The following HAUS1 variants were observed in gnomAD, a reference collection of about 807,000 sequenced individuals.
HAUS1 encodes the protein HAUS augmin-like complex subunit 1.
HAUS1 carries 25 observed loss-of-function variants against 38.6 expected under a neutral mutation model. That is an observed-to-expected ratio of 0.65 (90% CI 0.47 to 0.91). The LOEUF (loss-of-function observed/expected upper bound fraction) is 0.91. Ranked by LOEUF, HAUS1 falls within the 40% of genes least tolerant of loss-of-function variation. HAUS1 has a pLI of 0.00. For synonymous variants in HAUS1, 109 were observed against 112.9 expected (o/e 0.97, Z 0.22); for missense variants, 325 against 328.4 (o/e 0.99, Z 0.08).
intron 2 of HAUS1, among the ~76,000 whole-genome samples, chr18:46,108,412 A>G (rs920912625): frequency 6.6e-6 from 1 of 150,704 alleles, no homozygotes; most frequent in Non-Finnish European, 1.5e-5. Flanking sequence ...GCTGCGATTT[A>G]TAGGTGTGAG....
chr18:46,118,954 G>A (rs143907664), intron 3 of HAUS1, among the ~76,000 whole-genome samples: 2,016 of 152,168 alleles, frequency 0.013, 48 homozygotes, highest in African/African-American at 0.045. Flanking sequence ...TACAACCTCC[G>A]CCTCCCGGGG....
intron 1 of HAUS1, among the ~76,000 whole-genome samples, chr18:46,104,654 G>A (rs774049238): frequency 2.1e-4 from 32 of 152,102 alleles, no homozygotes; most frequent in Non-Finnish European, 3.8e-4. Flanking sequence ...CCCCTTGTTT[G>A]GATCTGGCCC....
intron 2 of HAUS1, among the ~76,000 whole-genome samples, chr18:46,117,171 A>G (rs1381328711): frequency 2.0e-5 from 3 of 152,220 alleles, no homozygotes; most frequent in Non-Finnish European, 4.4e-5. Context: ...ATGACCAGCA[A>G]TTCCACTTAC....
intron 2 of HAUS1, among the ~76,000 whole-genome samples, chr18:46,108,837 C>T (rs1215333255): frequency 2.0e-5 from 3 of 151,898 alleles, no homozygotes; most frequent in Non-Finnish European, 2.9e-5. Flanking sequence ...TTTGGGAGGC[C>T]GAGGCGGGCG....
At chr18:46,106,612 A>G (rs11872985) in intron 2 of HAUS1, 51,386 of 152,162 alleles carry the variant, frequency 0.34, 9,438 homozygotes, top group Middle Eastern at 0.51. Flanking sequence ...CATTTGCCCT[A>G]TATTTAATCA....
At chr18:46,125,032 G>A in intron 7 of HAUS1, 139 bp downstream of exon 7, 1 of 534,392 alleles carries the variant, frequency 1.9e-6, no homozygotes, top group Non-Finnish European at 3.4e-6. Flanking sequence ...GGACAAGGCA[G>A]GCTGATCACC....
chr18:46,110,406 G>C (rs565406745), intron 2 of HAUS1, among the ~76,000 whole-genome samples: 1 of 140,212 alleles, frequency 7.1e-6, no homozygotes, highest in Non-Finnish European at 1.5e-5. Context: ...GTGCGGTGGC[G>C]CAGTCTCGGC....
chr18:46,128,275 G>A lies in HAUS1; in HGVS notation c.*150G>A. 2.1e-6 allele frequency: 1 copy of A among 482,944 alleles called. No homozygotes were observed. The highest frequency in any genetic ancestry group is 3.7e-6 in the Non-Finnish European group (1 of 268,434). The allele number at this position is 482,944 out of a possible 1,614,324, so 29.9% of individuals were successfully genotyped here. A position where few individuals can be genotyped will look rare whatever the true frequency, so the allele number is the denominator to read the frequency against. On this transcript the variant is annotated 3_prime_UTR_variant, in exon 9 of 9. Transcript: ENST00000282058. ...AATTGATAGAATATGGTTTCTTACT[G>A]TGTGTTGCATTTTTGTGCCCAAATA...
At chr18:46,110,333 G>GTTT (rs71160713) in intron 2 of HAUS1, among the ~76,000 whole-genome samples, 3,085 of 49,988 alleles carry the variant, frequency 0.062, 534 homozygotes, top group Non-Finnish European at 0.07. Flanking sequence ...TTTTTTTAAG[G>GTTT]TTTTTTTTTT....
At chr18:46,106,452 G>C (rs1326729921) in intron 2 of HAUS1, among the ~76,000 whole-genome samples, 2 of 148,692 alleles carry the variant, frequency 1.3e-5, no homozygotes, top group East Asian at 4.0e-4. Context: ...CTGGGCGACA[G>C]AGCAAGACTC....
intron 4 of HAUS1, 33 bp from the exon 5 acceptor site, chr18:46,122,434 A>T (rs1911968857): frequency 6.2e-7 from 1 of 1,605,088 alleles, no homozygotes. Flanking sequence ...GAGAAGAAGA[A>T]GAAGAAAATG....
At chr18:46,124,997 C>T (rs533060845) in intron 7 of HAUS1, 104 bp downstream of exon 7, 43 of 627,942 alleles carry the variant, frequency 6.8e-5, no homozygotes, top group South Asian at 1.5e-4. Flanking sequence ...CGGTGGCTCA[C>T]GCCTGTAATC....
intron 8 of HAUS1, chr18:46,126,875 C>G (rs1221645130): frequency 6.6e-6 from 1 of 150,454 alleles, no homozygotes; most frequent in Non-Finnish European, 1.5e-5. Context: ...TGCTCTGTTG[C>G]CCAGGCTGGA....
At chr18:46,125,007 C>T (rs1282157336) in intron 7 of HAUS1, 114 bp downstream of exon 7, 6 of 595,236 alleles carry the variant, frequency 1.0e-5, no homozygotes, top group Non-Finnish European at 1.8e-5. Flanking sequence ...CGCCTGTAAT[C>T]CCAGCACTTT....
chr18:46,125,428 A>G (rs1281466159), intron 7 of HAUS1, among the ~76,000 whole-genome samples: 1 of 151,964 alleles, frequency 6.6e-6, no homozygotes, highest in Non-Finnish European at 1.5e-5. Context: ...GGGCGCTTAT[A>G]ATCCCAGCTA....
At chr18:46,119,889 C>T (rs1911889114) in intron 3 of HAUS1, 37 bp from the exon 4 acceptor site, 7 of 1,506,898 alleles carry the variant, frequency 4.6e-6, no homozygotes, top group Non-Finnish European at 5.3e-6. Context: ...AATTATTGCC[C>T]ATTAAGCCCA....
chr18:46,109,178 A>T (rs1911556078), intron 2 of HAUS1, among the ~76,000 whole-genome samples: 1 of 152,052 alleles, frequency 6.6e-6, no homozygotes, highest in Admixed American at 6.6e-5. Flanking sequence ...AGGGGAAGCA[A>T]GGCACGTCTT....
In HAUS1 at chr18:46,105,205, G is replaced by GT; in HGVS notation, c.44dup (p.Leu15PhefsTer14). 1.9e-6 allele frequency: 3 copies of GT among 1,608,954 alleles called. No homozygotes were observed. The highest frequency in any genetic ancestry group is 2.5e-6 in the Non-Finnish European group (3 of 1,177,866). Reference sequence around the variant, plus strand: ...CTTTTAATGGTTAGGTTGCTGCGTGGTTAAAAAAAATATTTGGAGATCATC... The same window carrying GT: ...CTTTTAATGGTTAGGTTGCTGCGTGGTTTAAAAAAAATATTTGGAGATCATC... On this transcript the variant is annotated frameshift_variant, in exon 2 of 9. Coordinates refer to ENST00000282058, the MANE Select transcript of HAUS1 (RefSeq NM_138443.4). LOFTEE classifies it high-confidence loss of function.
At chr18:46,108,828 T>C (rs919416542) in intron 2 of HAUS1, among the ~76,000 whole-genome samples, 1 of 152,130 alleles carries the variant, frequency 6.6e-6, no homozygotes, top group East Asian at 1.9e-4. Flanking sequence ...TCCCAGCACT[T>C]TGGGAGGCCG....
Sources: allele counts gnomAD v4.1 joint callset (sites outside exome capture counted in the v4.1 genomes callset), GRCh38; gene constraint gnomAD v4.1.1; transcripts MANE v1.5; gene names NCBI Gene and HGNC (gene_info 2026-07-23, HGNC 2026-07-21).